CCDC83: variants seen among roughly 807,000 people sequenced by gnomAD.
CCDC83 encodes coiled-coil domain containing 83, also known as coiled-coil domain-containing protein 83.
Under a neutral mutation model 50.1 loss-of-function variants are expected in CCDC83, and 54 were observed. That is an observed-to-expected ratio of 1.08 (90% CI 0.87 to 1.35). The LOEUF is 1.35. CCDC83 is among the 40% of genes most tolerant of loss of function. The pLI is 0.00. For missense variants in CCDC83, 518 were observed against 473.9 expected, an observed-to-expected ratio of 1.09 and a Z score of -0.86; for synonymous variants, 161 against 153.3, an observed-to-expected ratio of 1.05 and a Z score of -0.37.
chr11:85,911,196 A>T, intron 7 of CCDC83, 85 bp from the exon 8 acceptor site: 3 of 1,153,926 alleles, frequency 2.6e-6, no homozygotes, highest in Non-Finnish European at 2.3e-6. Context: ...AAAAAAAGAA[A>T]GAAAAAAGAA....
intron 2 of CCDC83, among the ~76,000 whole-genome samples, chr11:85,866,288 G>C (rs1404230075): frequency 6.6e-6 from 1 of 152,208 alleles, no homozygotes; most frequent in African/African-American, 2.4e-5. Context: ...TGTTTACCAA[G>C]TGCAAGTCAA....
rs562438810 is a variant in CCDC83 at position 85,861,407 on chromosome 11, G to A, written c.-28-3689G>A. Among the ~76,000 whole-genome samples, 19 of 152,260 alleles carry A rather than the reference G, an allele frequency of 1.2e-4. 1 individual carries two copies. The South Asian group carries it at 3.7e-3, about 30-fold the overall frequency. ...CATGCAGTTAATGGCTCAGTTTCTA[G>A]CTAGTTAATGGCTGAGCCACAACTA... On this transcript the variant is annotated intron_variant, in intron 1 of 10. Transcript: ENST00000342404.
At chr11:85,865,603 A>C (rs754711680) in intron 2 of CCDC83, among the ~76,000 whole-genome samples, 12 of 152,238 alleles carry the variant, frequency 7.9e-5, no homozygotes, top group Non-Finnish European at 1.2e-4. Flanking sequence ...AGAGAGTAGA[A>C]GAGGCCGGGC....
At chr11:85,893,265 T>C (rs1211642977) in intron 5 of CCDC83, among the ~76,000 whole-genome samples, 1 of 152,258 alleles carries the variant, frequency 6.6e-6, no homozygotes, top group Non-Finnish European at 1.5e-5. Context: ...GAGAAGTTTT[T>C]ACTTTCTGCT....
intron 10 of CCDC83, 92 bp from the exon 11 acceptor site, chr11:85,919,257 A>G (rs999239298): frequency 2.5e-6 from 3 of 1,211,186 alleles, no homozygotes; most frequent in African/African-American, 3.1e-5. Context: ...TCTGTCAGAT[A>G]AAGGCCAACT....
At position 85,906,844 on chromosome 11, in the gene CCDC83, C is replaced by T. The variant is rs992804750; in HGVS notation, c.673-4437C>T. On this transcript the variant is annotated intron_variant, in intron 7 of 10. Coordinates refer to ENST00000342404, the MANE Select transcript of CCDC83 (RefSeq NM_001286159.2). ...AGGCTGTAGTAAGCCATGTTCAGGC[C>T]GTTATACTCCAGCCTGGGTGACAGA... Among the ~76,000 whole-genome samples the T allele has an allele frequency of 4.8e-5, 7 of 145,750 alleles. 1 individual carries two copies. The highest frequency in any genetic ancestry group is 2.7e-4 in the Admixed American group (4 of 14,696).
At chr11:85,906,750 T>C (rs1324865626) in intron 7 of CCDC83, among the ~76,000 whole-genome samples, 1 of 152,096 alleles carries the variant, frequency 6.6e-6, no homozygotes, top group Non-Finnish European at 1.5e-5. Context: ...CCAGGCATTG[T>C]GGCACACATC....
rs375447770 is a variant in CCDC83 at position 85,867,972 on chromosome 11, GAC to G, written c.95+2758_95+2759del. 2.2e-3 allele frequency among the ~76,000 whole-genome samples: 334 copies of G among 152,276 alleles called. 3 individuals carry two copies. Among genetic ancestry groups the G allele is most frequent in the African/African-American group, 7.8e-3 (322 of 41,522 alleles). On this transcript the variant is annotated intron_variant, in intron 2 of 10. Transcript: ENST00000342404. ...CTCGGTGACAGAACTGTTGTCACAT[GAC>G]ACATAGCCAAGACATTTCCTCTCAC...
chr11:85,897,219 G>T (rs2093379848), intron 6 of CCDC83, among the ~76,000 whole-genome samples: 1 of 152,186 alleles, frequency 6.6e-6, no homozygotes, highest in South Asian at 2.1e-4. Context: ...ACACATTTAA[G>T]TCCCTCAGCA....
rs539490435 is a variant in CCDC83 at position 85,919,749 on chromosome 11, G to A, written c.*239G>A. 44 of 441,240 alleles carry A rather than the reference G, an allele frequency of 1.0e-4. 1 individual carries two copies. The South Asian group carries it at 1.2e-3, about 12-fold the overall frequency. The allele number at this position is 441,240 out of a possible 1,614,324, so 27.3% of individuals were successfully genotyped here. On this transcript the variant is annotated 3_prime_UTR_variant, in exon 11 of 11. Transcript: ENST00000342404. ...CACTGAAGTATTCAGAAGCATGACA[G>A]TGGGTTCAAGGTAGTCTCTGAGGTT... is the stretch of plus-strand genomic sequence containing the variant.
intron 1 of CCDC83, among the ~76,000 whole-genome samples, chr11:85,864,382 T>C (rs2093194996): frequency 6.6e-6 from 1 of 152,236 alleles, no homozygotes. Flanking sequence ...AAGTCTACTT[T>C]AGTACCCAAA....
At chr11:85,873,394 C>T (rs1159816073) in intron 3 of CCDC83, 99 bp downstream of exon 3, 5 of 495,336 alleles carry the variant, frequency 1.0e-5, no homozygotes, top group Non-Finnish European at 1.8e-5. Context: ...AGGAAATTAT[C>T]TTCTTCAAAG....
chr11:85,908,245 C>T (rs1300805913), intron 7 of CCDC83, among the ~76,000 whole-genome samples: 2 of 152,068 alleles, frequency 1.3e-5, no homozygotes, highest in Admixed American at 1.3e-4. Flanking sequence ...ATTATAAGCT[C>T]TCTTGAGGGA....
At chr11:85,860,367 A>C (rs983874155) in intron 1 of CCDC83, among the ~76,000 whole-genome samples, 3 of 152,058 alleles carry the variant, frequency 2.0e-5, no homozygotes, top group Admixed American at 1.3e-4. Context: ...GAAAACATAC[A>C]TGTGGCCAAC....
chr11:85,860,585 T>A (rs576471992), intron 1 of CCDC83, among the ~76,000 whole-genome samples: 2 of 152,282 alleles, frequency 1.3e-5, no homozygotes, highest in South Asian at 2.1e-4. Context: ...TGAAGATTTC[T>A]CAAAGAACTT....
intron 10 of CCDC83, among the ~76,000 whole-genome samples, chr11:85,917,128 AAAAGAAAG>A (rs1187017927): frequency 5.0e-5 from 5 of 100,054 alleles, no homozygotes; most frequent in African/African-American, 2.4e-4. Flanking sequence ...AGAAAAAAGA[AAAAGAAAG>A]AGAGAGAGAG....
chr11:85,914,608 C>T (rs920768912), intron 8 of CCDC83, among the ~76,000 whole-genome samples: 2 of 152,160 alleles, frequency 1.3e-5, no homozygotes, highest in Admixed American at 6.5e-5. Flanking sequence ...TCATTCCGCA[C>T]CTGAAATACT....
intron 7 of CCDC83, among the ~76,000 whole-genome samples, chr11:85,908,465 C>A (rs567006308): frequency 2.6e-5 from 4 of 151,954 alleles, no homozygotes; most frequent in Admixed American, 1.3e-4. Flanking sequence ...GCAGGAGAAT[C>A]GCTTGAACCT....
intron 7 of CCDC83, among the ~76,000 whole-genome samples, chr11:85,904,395 T>C (rs1440804773): frequency 6.6e-6 from 1 of 152,186 alleles, no homozygotes; most frequent in Non-Finnish European, 1.5e-5. Context: ...GTAGCCTGTT[T>C]CTGGTTTATG....
Sources: gnomAD v4.1 joint callset for allele counts (sites outside exome capture counted in the v4.1 genomes callset) on GRCh38, gnomAD v4.1.1 for gene constraint, MANE v1.5 for transcripts, NCBI Gene and HGNC (gene_info 2026-07-23, HGNC 2026-07-21) for gene names.